PCDHGA7: variants seen among roughly 807,000 people sequenced by gnomAD.
The protein encoded by PCDHGA7 is protocadherin gamma subfamily A, 7.
PCDHGA7 carries 44 observed loss-of-function variants against 58.3 expected under a neutral mutation model. The ratio of observed to expected loss-of-function variants is 0.75; its 90% CI spans 0.59 to 0.97. The LOEUF is 0.97. PCDHGA7 is among the 50% of genes least tolerant of loss of function. PCDHGA7 has a pLI of 0.00. For synonymous variants in PCDHGA7, 516 were observed against 504.2 expected (o/e 1.02, Z -0.31); for missense variants, 1,266 against 1,188.7 (o/e 1.06, Z -0.96).
intron 1 of PCDHGA7, chr5:141,427,068 G>A (rs1407368715): frequency 2.2e-6 from 1 of 457,950 alleles, no homozygotes; most frequent in East Asian, 6.9e-5. Flanking sequence ...TGTACTAAAG[G>A]TGACAGCCAC....
At position 141,477,217 on chromosome 5, in the gene PCDHGA7, G is replaced by T. The variant is rs745497348; in HGVS notation, c.2425-17590G>T. On this transcript the variant is annotated intron_variant, in intron 1 of 3. Transcript: ENST00000518325. This position sits in a 1 kb window ranked among gnomAD's most constrained non-coding sequence, Gnocchi z 4.9. ...GCCCAGTACCCGAGGATGCCCCTCTGGGGACTGTCATCGCTTTGCTCAGTG... is the reference window on the plus strand; with the variant it reads ...GCCCAGTACCCGAGGATGCCCCTCTTGGGACTGTCATCGCTTTGCTCAGTG... The T allele has an allele frequency of 8.1e-6, 13 of 1,614,178 alleles. No homozygotes were observed. The African/African-American group carries it at 1.7e-4, about 22-fold the overall frequency.
chr5:141,503,075 G>A (rs1373753092), intron 2 of PCDHGA7, among the ~76,000 whole-genome samples: 1 of 151,438 alleles, frequency 6.6e-6, no homozygotes, highest in African/African-American at 2.4e-5. Context: ...GAATGGTCTC[G>A]ATCTCCTGAC....
chr5:141,494,434 T>A (rs976526647), intron 1 of PCDHGA7, among the ~76,000 whole-genome samples: 2 of 152,166 alleles, frequency 1.3e-5, no homozygotes, highest in Middle Eastern at 3.2e-3. Flanking sequence ...AAAAGCCTCC[T>A]TTGCCACTTT....
At chr5:141,418,481 C>G (rs1438009750) in intron 1 of PCDHGA7, 1 of 1,614,006 alleles carries the variant, frequency 6.2e-7, no homozygotes, top group Admixed American at 1.7e-5. Context: ...GCAGAGCGCT[C>G]ACCACTTGGT....
chr5:141,462,883 A>T (rs557432183), intron 1 of PCDHGA7, among the ~76,000 whole-genome samples: 9 of 152,230 alleles, frequency 5.9e-5, no homozygotes, highest in African/African-American at 2.2e-4. Context: ...GAACTATTGC[A>T]GTTTGTTTTG....
Position 141,489,147 on chromosome 5 carries a change from A to G in PCDHGA7, c.2425-5660A>G. On this transcript the variant is annotated intron_variant, in intron 1 of 3. Coordinates refer to ENST00000518325, the MANE Select transcript of PCDHGA7 (RefSeq NM_018920.4). The surrounding 1 kb of genome is among the most constrained non-coding windows in gnomAD (Gnocchi z 4.5). ...GCAGTTTTTAAGAGGCTGGAAGGAG[A>G]CATAAGAGACTTCAGCTGCTGCATT... The G allele has an allele frequency of 1.2e-6, 1 of 802,676 alleles. No homozygotes were observed. Among genetic ancestry groups the G allele is most frequent in the Non-Finnish European group, 1.9e-6 (1 of 528,868 alleles). 49.7% of individuals were successfully genotyped at this position (802,676 alleles called of 1,614,324 possible). A position where few individuals can be genotyped will look rare whatever the true frequency, so the allele number is the denominator to read the frequency against.
At chr5:141,407,175 C>T (rs752092856) in intron 1 of PCDHGA7, among the ~76,000 whole-genome samples, 39 of 152,166 alleles carry the variant, frequency 2.6e-4, no homozygotes, top group Non-Finnish European at 5.4e-4. Flanking sequence ...TTATGACATA[C>T]AGACATTTTA....
intron 1 of PCDHGA7, among the ~76,000 whole-genome samples, chr5:141,458,336 GA>G (rs762646440): frequency 1.3e-5 from 2 of 152,118 alleles, no homozygotes; most frequent in Non-Finnish European, 2.9e-5. Context: ...TGGTTTTAAG[GA>G]GTGGAGAGTT....
intron 1 of PCDHGA7, chr5:141,388,282 T>A: frequency 6.2e-7 from 1 of 1,613,222 alleles, no homozygotes; most frequent in South Asian, 1.1e-5. Context: ...ACGCCAAAAT[T>A]CACGCAAAAT....
chr5:141,430,643 T>G (rs1432236231), intron 1 of PCDHGA7: 16 of 946,950 alleles, frequency 1.7e-5, no homozygotes, highest in South Asian at 2.5e-5. Flanking sequence ...CCTGGGAGTA[T>G]GTGGAAACAA....
At chr5:141,503,936 C>G (rs2099834285) in intron 2 of PCDHGA7, among the ~76,000 whole-genome samples, 1 of 152,186 alleles carries the variant, frequency 6.6e-6, no homozygotes, top group Non-Finnish European at 1.5e-5. Flanking sequence ...CATTTTCATG[C>G]CTTCAAGGCC....
intron 1 of PCDHGA7, chr5:141,411,661 C>T (rs2095505180): frequency 6.6e-6 from 1 of 150,762 alleles, no homozygotes; most frequent in African/African-American, 2.4e-5. Context: ...GGTGGAGAAT[C>T]TCTTGAGCGC....
chr5:141,422,492 C>G (rs747903569), intron 1 of PCDHGA7: 10 of 1,613,934 alleles, frequency 6.2e-6, no homozygotes, highest in Non-Finnish European at 8.5e-6. Flanking sequence ...TACAATATAA[C>G]GTTGACAGCC....
rs559544645 is a variant in PCDHGA7, at chr5:141,405,144, G to C, written c.2424+19821G>C. ...CATCTGCTGCGGGCTACCAGTGATGGGTTGGCTGGTGTGCCCACCTCACAC... is the reference window on the plus strand; with the variant it reads ...CATCTGCTGCGGGCTACCAGTGATGCGTTGGCTGGTGTGCCCACCTCACAC... On this transcript the variant is annotated intron_variant, in intron 1 of 3. Coordinates refer to ENST00000518325, the MANE Select transcript of PCDHGA7 (RefSeq NM_018920.4). 1.1e-4 allele frequency: 184 copies of C among 1,614,070 alleles called. 1 individual carries two copies. The South Asian group carries it at 1.9e-3, about 17-fold the overall frequency.
chr5:141,460,296 C>T (rs1443273958), intron 1 of PCDHGA7, among the ~76,000 whole-genome samples: 1 of 151,924 alleles, frequency 6.6e-6, no homozygotes, highest in Non-Finnish European at 1.5e-5. Context: ...TTCTTATGTC[C>T]TATTCAAAAA....
chr5:141,404,244 C>A (rs1164182551), intron 1 of PCDHGA7: 2 of 1,613,758 alleles, frequency 1.2e-6, no homozygotes, highest in East Asian at 2.2e-5. Context: ...GGAACTCCGC[C>A]CCTGTCCACA....
At chr5:141,403,223 G>C (rs1414315950) in intron 1 of PCDHGA7, 2 of 1,613,968 alleles carry the variant, frequency 1.2e-6, no homozygotes, top group Non-Finnish European at 8.5e-7. Flanking sequence ...GGGTAGGATA[G>C]ACCGGGAGGA....
intron 1 of PCDHGA7, chr5:141,413,590 G>A (rs759901330): frequency 1.2e-6 from 2 of 1,613,886 alleles, no homozygotes; most frequent in Non-Finnish European, 1.7e-6. Flanking sequence ...AAAATTCCAA[G>A]CAGAAAATCT....
In PCDHGA7 at chr5:141,472,816, G is replaced by A. The variant is rs1186234004; in HGVS notation, c.2425-21991G>A. On this transcript the variant is annotated intron_variant, in intron 1 of 3. Transcript: ENST00000518325. ...GCCTGACCAACATGGAGAAACCCCC[G>A]TCTCTACTAAAAATAGAAAATTAGC... 4.6e-5 allele frequency among the ~76,000 whole-genome samples: 7 copies of A among 151,374 alleles called. No individual in the cohort carries two copies. In the South Asian group the frequency reaches 6.2e-4, roughly 14 times the overall value.
Sources: gnomAD v4.1 joint callset for allele counts (sites outside exome capture counted in the v4.1 genomes callset) on GRCh38, gnomAD v4.1.1 for gene constraint, Gnocchi (gnomAD v3.1) non-coding constraint, MANE v1.5 for transcripts, NCBI Gene and HGNC (gene_info 2026-07-23, HGNC 2026-07-21) for gene names.